COL26A1: variants seen among roughly 807,000 people sequenced by gnomAD.
COL26A1 encodes the protein collagen type XXVI alpha 1 chain.
In COL26A1, 41 loss-of-function variants were observed where a neutral mutation model predicts 59.3. The ratio of observed to expected loss-of-function variants is 0.69; its 90% CI spans 0.54 to 0.90. COL26A1 has a LOEUF of 0.90. Ranked by LOEUF, COL26A1 falls within the 40% of genes least tolerant of loss-of-function variation. The probability of loss-of-function intolerance (pLI) is 0.00; values close to 1 mark genes in which losing one functional copy is unlikely to be tolerated. For missense variants in COL26A1, 612 were observed against 602.3 expected (o/e 1.02, Z -0.17); for synonymous variants, 266 against 256.0 (o/e 1.04, Z -0.37).
chr7:101,557,314 A>C, intron 12 of COL26A1, 56 bp from the exon 13 acceptor site: 1 of 1,536,510 alleles, frequency 6.5e-7, no homozygotes, highest in South Asian at 1.2e-5. Flanking sequence ...GATCAAATGT[A>C]CCCCCAAGTG....
chr7:101,486,910 G>A (rs1584451899), intron 3 of COL26A1, among the ~76,000 whole-genome samples: 1 of 152,224 alleles, frequency 6.6e-6, no homozygotes, highest in Non-Finnish European at 1.5e-5. Flanking sequence ...CAGGGAGGCC[G>A]TGGCCCTGTG....
At chr7:101,379,783 A>C (rs1230222593) in intron 1 of COL26A1, among the ~76,000 whole-genome samples, 1 of 152,210 alleles carries the variant, frequency 6.6e-6, no homozygotes, top group African/African-American at 2.4e-5. Flanking sequence ...GGTCGTCCTC[A>C]CTGTTACACT....
chr7:101,450,936 AT>A (rs1793321214), intron 3 of COL26A1, among the ~76,000 whole-genome samples: 1 of 145,372 alleles, frequency 6.9e-6, no homozygotes, highest in African/African-American at 2.5e-5. Flanking sequence ...TATATTATCA[AT>A]AATTATAGAT....
chr7:101,373,834 C>T (rs551264962), intron 1 of COL26A1, among the ~76,000 whole-genome samples: 2 of 152,160 alleles, frequency 1.3e-5, no homozygotes, highest in Non-Finnish European at 2.9e-5. Context: ...TCCCTCTCTT[C>T]ATCTCACTCC....
intron 3 of COL26A1, among the ~76,000 whole-genome samples, chr7:101,519,640 G>T (rs2130606643): frequency 6.6e-6 from 1 of 152,228 alleles, no homozygotes; most frequent in Admixed American, 6.5e-5. Flanking sequence ...ACTGGGAACT[G>T]CCCTGTGCAT....
chr7:101,409,009 G>A (rs562272864), intron 1 of COL26A1, among the ~76,000 whole-genome samples: 6 of 152,214 alleles, frequency 3.9e-5, no homozygotes, highest in Non-Finnish European at 5.9e-5. Flanking sequence ...ACTTGTTGTT[G>A]CCTTGGACAT....
chr7:101,483,497 TTTTAA>T (rs1794199160), intron 3 of COL26A1, among the ~76,000 whole-genome samples: 2 of 148,040 alleles, frequency 1.4e-5, no homozygotes, highest in African/African-American at 2.5e-5. Context: ...TGCCCAGCCT[TTTTAA>T]TTTAATTTTA....
intron 3 of COL26A1, among the ~76,000 whole-genome samples, chr7:101,504,827 ATGTG>A (rs745888760): frequency 1.1e-4 from 16 of 150,316 alleles, no homozygotes; most frequent in Non-Finnish European, 7.4e-5. Context: ...GTGTGTGTGT[ATGTG>A]TGTGTGTATG....
intron 3 of COL26A1, 75 bp downstream of exon 3, chr7:101,447,862 T>C: frequency 1.2e-6 from 1 of 867,536 alleles, no homozygotes; most frequent in Non-Finnish European, 1.9e-6. Flanking sequence ...TCTGGCCTCC[T>C]CCTGCAAGCA....
At chr7:101,435,297 C>T (rs543076878) in intron 2 of COL26A1, among the ~76,000 whole-genome samples, 1 of 152,226 alleles carries the variant, frequency 6.6e-6, no homozygotes, top group Non-Finnish European at 1.5e-5. Flanking sequence ...CCAGCCTGGG[C>T]CACAGCGAGA....
At chr7:101,447,628 G>A (rs1283246294) in intron 2 of COL26A1, 56 bp from the exon 3 acceptor site, 1 of 1,191,436 alleles carries the variant, frequency 8.4e-7, no homozygotes, top group Non-Finnish European at 1.2e-6. Flanking sequence ...GCAGCAGTGG[G>A]GTCTGGAGGT....
In COL26A1 at chr7:101,530,115, A is replaced by G. The variant is rs115213069; in HGVS notation, c.386-2967A>G. 7.1e-3 allele frequency among the ~76,000 whole-genome samples: 1,077 copies of G among 152,180 alleles called. 8 individuals carry two copies. The highest frequency in any genetic ancestry group is 0.025 in the African/African-American group (1,039 of 41,530). Reference sequence around the variant, plus strand: ...GCAGGGTGAATGTATAGGTGGGTAGATGGGGGTGTTTAGGGCTGGGGTAGC... The same window carrying G: ...GCAGGGTGAATGTATAGGTGGGTAGGTGGGGGTGTTTAGGGCTGGGGTAGC... On this transcript the variant is annotated intron_variant, in intron 3 of 12. Transcript: ENST00000313669.
chr7:101,536,712 G>A (rs1352228052), intron 4 of COL26A1, among the ~76,000 whole-genome samples: 1 of 152,218 alleles, frequency 6.6e-6, no homozygotes, highest in Non-Finnish European at 1.5e-5. Context: ...CCTGGCCAAT[G>A]GTAGCTTATT....
chr7:101,393,388 A>T (rs565086480), intron 1 of COL26A1, among the ~76,000 whole-genome samples: 1 of 152,260 alleles, frequency 6.6e-6, no homozygotes, highest in East Asian at 1.9e-4. Flanking sequence ...TCAGGGCAGG[A>T]AGCATCCAGC....
chr7:101,434,059 TCCCTCCCTCCCTCCCTCCCTCCCTCC>T (rs1562976845), intron 2 of COL26A1, among the ~76,000 whole-genome samples: 2 of 42,226 alleles, frequency 4.7e-5, no homozygotes, highest in Non-Finnish European at 9.3e-5. Flanking sequence ...CCTCCCTCCC[TCCCTCCCTCCCTCCCTCCCTCCCTCC>T]CTCCCTCTTT....
At position 101,497,162 on chromosome 7, in the gene COL26A1, C is replaced by T. The variant is rs182386450; in HGVS notation, c.386-35920C>T. ...CTGAGGCAGGAGAATCACCTGAACC[C>T]GGGAGGCAGAGGTTGCAGTGAGCCA... On this transcript the variant is annotated intron_variant, in intron 3 of 12. Transcript: ENST00000313669. Among the ~76,000 whole-genome samples the T allele has an allele frequency of 1.7e-3, 257 of 151,468 alleles. 1 individual carries two copies. Among genetic ancestry groups the T allele is most frequent in the African/African-American group, 6.0e-3 (247 of 41,282 alleles).
chr7:101,382,267 T>G (rs1176736873), intron 1 of COL26A1, among the ~76,000 whole-genome samples: 2 of 152,122 alleles, frequency 1.3e-5, no homozygotes, highest in Non-Finnish European at 1.5e-5. Context: ...CAGGCTGGTC[T>G]CAAATTCCTG....
chr7:101,551,444 G>GC, intron 10 of COL26A1, among the ~76,000 whole-genome samples: 1 of 152,316 alleles, frequency 6.6e-6, no homozygotes, highest in Admixed American at 6.5e-5. Context: ...AGGTTAACAT[G>GC]CCGTGTGACC....
chr7:101,506,178 GATC>G (rs1794809303), intron 3 of COL26A1, among the ~76,000 whole-genome samples: 2 of 152,292 alleles, frequency 1.3e-5, no homozygotes, highest in Admixed American at 1.3e-4. Context: ...CCAATTACCT[GATC>G]ATCAAAGACA....
Sources: gnomAD v4.1 joint callset for allele counts (sites outside exome capture counted in the v4.1 genomes callset) on GRCh38, gnomAD v4.1.1 for gene constraint, MANE v1.5 for transcripts, NCBI Gene and HGNC (gene_info 2026-07-23, HGNC 2026-07-21) for gene names.